Variants in QTMAN observed in about 807,000 individuals in gnomAD.
QTMAN encodes the protein queuosine-tRNA mannosyltransferase.
the QTMAN span, among the ~76,000 whole-genome samples, chr2:144,172,092 T>C: frequency 2.0e-5 from 3 of 152,088 alleles, no homozygotes; most frequent in African/African-American, 7.2e-5. Context: ...TTGTTCCACT[T>C]ACAGATAAGG....
the QTMAN span, among the ~76,000 whole-genome samples, chr2:144,256,998 C>T: frequency 6.7e-6 from 1 of 149,826 alleles, no homozygotes; most frequent in East Asian, 2.0e-4. Context: ...TATTTTACTA[C>T]TATGTTCTTA....
the QTMAN span, among the ~76,000 whole-genome samples, chr2:144,088,702 C>A: frequency 1.3e-5 from 2 of 151,982 alleles, no homozygotes; most frequent in African/African-American, 4.8e-5. Context: ...ACAAAGCTGA[C>A]AAGAACTTAC....
the QTMAN span, among the ~76,000 whole-genome samples, chr2:144,131,648 G>A: frequency 4.6e-5 from 7 of 151,788 alleles, no homozygotes; most frequent in African/African-American, 1.7e-4. Flanking sequence ...TAGATCCAAT[G>A]ACCATTTACT....
the QTMAN span, among the ~76,000 whole-genome samples, chr2:144,120,058 A>G: frequency 6.6e-6 from 1 of 152,212 alleles, no homozygotes; most frequent in Admixed American, 6.5e-5. Context: ...AGTCATGATA[A>G]ATCTTCAGAA....
At chr2:144,105,628 T>C in the QTMAN span, among the ~76,000 whole-genome samples, 1 of 152,292 alleles carries the variant, frequency 6.6e-6, no homozygotes, top group African/African-American at 2.4e-5. Flanking sequence ...CGACATCTGA[T>C]TGGTGTACCT....
chr2:144,163,451 C>T, the QTMAN span, among the ~76,000 whole-genome samples: 1 of 151,816 alleles, frequency 6.6e-6, no homozygotes, highest in Non-Finnish European at 1.5e-5. Context: ...TATAAAATCT[C>T]CTAAAGTTAG....
chr2:144,155,579 T>C, the QTMAN span, among the ~76,000 whole-genome samples: 3 of 152,170 alleles, frequency 2.0e-5, no homozygotes, highest in Non-Finnish European at 4.4e-5. Context: ...CCCTTCTAAA[T>C]ACTATAAAGT....
At chr2:144,101,874 G>C in the QTMAN span, among the ~76,000 whole-genome samples, 2 of 152,010 alleles carry the variant, frequency 1.3e-5, no homozygotes, top group Non-Finnish European at 2.9e-5. Context: ...TTTGTTCTGT[G>C]TCATTCAAAA....
chr2:144,153,491 C>T, the QTMAN span, among the ~76,000 whole-genome samples: 13 of 152,044 alleles, frequency 8.6e-5, no homozygotes, highest in Non-Finnish European at 1.9e-4. Context: ...GGGCGGATCA[C>T]GAGGTCAGGA....
chr2:144,052,830 T>C, the QTMAN span, among the ~76,000 whole-genome samples: 2 of 152,180 alleles, frequency 1.3e-5, no homozygotes. Flanking sequence ...TTTATATTTT[T>C]AGTAGAGACA....
At chr2:144,252,366 A>G in the QTMAN span, among the ~76,000 whole-genome samples, 1 of 152,152 alleles carries the variant, frequency 6.6e-6, no homozygotes, top group Non-Finnish European at 1.5e-5. Context: ...GTGAAAGAGC[A>G]AGACCCTGTG....
the QTMAN span, among the ~76,000 whole-genome samples, chr2:144,104,121 C>T: frequency 1.1e-4 from 17 of 151,898 alleles, no homozygotes; most frequent in South Asian, 4.1e-4. Flanking sequence ...GGGGGAGGGG[C>T]GGTGGCGGTT....
chr2:144,330,490 G>A, the QTMAN span, among the ~76,000 whole-genome samples: 1 of 152,160 alleles, frequency 6.6e-6, no homozygotes, highest in Admixed American at 6.5e-5. Context: ...CCAATCTGCT[G>A]GAAGTGACGT....
the QTMAN span, among the ~76,000 whole-genome samples, chr2:144,044,439 A>G: frequency 1.3e-5 from 2 of 152,260 alleles, no homozygotes; most frequent in Admixed American, 6.5e-5. Context: ...ATCTTATTTG[A>G]GGAGGGCCAT....
At chr2:144,152,495 A>G in the QTMAN span, among the ~76,000 whole-genome samples, 1 of 152,232 alleles carries the variant, frequency 6.6e-6, no homozygotes, top group African/African-American at 2.4e-5. Flanking sequence ...CTTTGTAATT[A>G]TGTTTCTAAC....
the QTMAN span, among the ~76,000 whole-genome samples, chr2:144,328,529 C>T: frequency 6.6e-6 from 1 of 152,134 alleles, no homozygotes; most frequent in African/African-American, 2.4e-5. Flanking sequence ...GACAGCATAC[C>T]TTTGTGAGCA....
At chr2:144,282,986 C>A in the QTMAN span, among the ~76,000 whole-genome samples, 1 of 152,190 alleles carries the variant, frequency 6.6e-6, no homozygotes, top group East Asian at 1.9e-4. Context: ...CACCCCCAGT[C>A]CAGAGGGAAA....
the QTMAN span, among the ~76,000 whole-genome samples, chr2:144,246,778 TCTC>T: frequency 6.6e-6 from 1 of 152,036 alleles, no homozygotes; most frequent in Non-Finnish European, 1.5e-5. Flanking sequence ...CTGCCTTGAA[TCTC>T]CTCTTCATCC....
At chr2:143,977,205 C>T in the QTMAN span, among the ~76,000 whole-genome samples, 2 of 152,090 alleles carry the variant, frequency 1.3e-5, no homozygotes, top group Non-Finnish European at 2.9e-5. Context: ...ATTTTCATTG[C>T]TTCAGGAAAG....
Sources: allele counts gnomAD v4.1 joint callset (sites outside exome capture counted in the v4.1 genomes callset), GRCh38; gene constraint gnomAD v4.1.1; transcripts MANE v1.5; gene names NCBI Gene and HGNC (gene_info 2026-07-23, HGNC 2026-07-21).